The following PNPLA1 variants were observed in gnomAD, a reference collection of about 807,000 sequenced individuals.
PNPLA1 encodes the protein omega-hydroxyceramide transacylase.
In PNPLA1, 36 loss-of-function variants were observed where a neutral mutation model predicts 51.7. The observed-to-expected ratio is 0.70, with a 90% CI of 0.53 to 0.92. The LOEUF (loss-of-function observed/expected upper bound fraction) is 0.92, where lower values mean the gene tolerates loss of function less well. PNPLA1 is among the 40% of genes least tolerant of loss of function. The pLI, the probability that PNPLA1 is intolerant of heterozygous loss-of-function variation, is 0.00. For missense variants in PNPLA1, 658 were observed against 682.5 expected (o/e 0.96, Z 0.40); for synonymous variants, 293 against 280.1 (o/e 1.05, Z -0.46).
upstream of PNPLA1, among the ~76,000 whole-genome samples, chr6:36,266,738 G>C (rs1441430560): frequency 6.6e-6 from 1 of 152,208 alleles, no homozygotes; most frequent in Admixed American, 6.5e-5. Context: ...TTGTCTGATT[G>C]TTTGCACCTG....
In PNPLA1 at chr6:36,294,101, G is replaced by A. The variant is rs1409725102; in HGVS notation, c.505-89G>A. The A allele has an allele frequency of 2.8e-6, 4 of 1,449,204 alleles. No homozygotes were observed. The African/African-American group carries it at 4.2e-5, about 15-fold the overall frequency. 89.8% of individuals were successfully genotyped at this position (1,449,204 alleles called of 1,614,324 possible). A position where few individuals can be genotyped will look rare whatever the true frequency, so the allele number is the denominator to read the frequency against. On this transcript the variant is annotated intron_variant, in intron 3 of 8. Coordinates refer to ENST00000636260, the MANE Select transcript of PNPLA1 (RefSeq NM_001374623.1). This position sits in a 1 kb window ranked among gnomAD's most constrained non-coding sequence, Gnocchi z 4.2. ...CTTCCTTGATGGGCCCTTGAAGCTG[G>A]TGCCATATCCCATGGGCCATTTCGA...
chr6:36,299,332 TCTG>T (rs1220842712), intron 5 of PNPLA1, among the ~76,000 whole-genome samples: 1 of 72,998 alleles, frequency 1.4e-5, no homozygotes, highest in African/African-American at 5.3e-5. Flanking sequence ...TGTTTTTTTG[TCTG>T]TTTTTTTTTT....
chr6:36,282,708 C>A (rs932511990), intron 1 of PNPLA1, among the ~76,000 whole-genome samples: 1 of 152,120 alleles, frequency 6.6e-6, no homozygotes, highest in Non-Finnish European at 1.5e-5. Context: ...TTTTTTGAGA[C>A]AGAGTCTTGC....
At chr6:36,247,733 G>A (rs1769328275) in intron 1 of PNPLA1, among the ~76,000 whole-genome samples, 1 of 152,188 alleles carries the variant, frequency 6.6e-6, no homozygotes, top group African/African-American at 2.4e-5. Flanking sequence ...CCCAGAGAAT[G>A]CCACCATTCT....
At chr6:36,275,191 G>C (rs757615716) in intron 1 of PNPLA1, among the ~76,000 whole-genome samples, 3 of 152,036 alleles carry the variant, frequency 2.0e-5, no homozygotes, top group African/African-American at 4.8e-5. Flanking sequence ...TGATCCTCCT[G>C]CATCAGCCTC....
intron 1 of PNPLA1, among the ~76,000 whole-genome samples, chr6:36,290,114 C>T (rs1770629205): frequency 6.6e-6 from 1 of 152,210 alleles, no homozygotes; most frequent in African/African-American, 2.4e-5. Context: ...TAGCCTCTGC[C>T]TGGTTACCTC....
chr6:36,279,982 C>T (rs1770226922), intron 1 of PNPLA1, among the ~76,000 whole-genome samples: 1 of 151,834 alleles, frequency 6.6e-6, no homozygotes, highest in South Asian at 2.1e-4. Context: ...CCGAGGCAGG[C>T]AGATCACGAG....
intron 1 of PNPLA1, among the ~76,000 whole-genome samples, chr6:36,276,628 T>A (rs1356137128): frequency 6.6e-6 from 1 of 152,230 alleles, no homozygotes; most frequent in East Asian, 1.9e-4. Flanking sequence ...ATGTTTCTTA[T>A]GGAAGAATAG....
At position 36,306,356 on chromosome 6, in the gene PNPLA1, C is replaced by T; in HGVS notation, c.1449C>T (p.Thr483=). ...TGCCTCTGGTTCATGTGAAGGAAAC[C>T]GTCAGCAAGCCTTATGTAACGTAAG... ...SAVPLVHVKE[T]VSKPYVTESP... Residue 483 remains threonine, a synonymous_variant, in exon 7 of 9, where the codon ACC becomes ACT. Coordinates refer to ENST00000636260, the MANE Select transcript of PNPLA1 (RefSeq NM_001374623.1). 2 of 1,612,892 alleles carry T rather than the reference C, an allele frequency of 1.2e-6. No homozygotes were observed. Among genetic ancestry groups the T allele is most frequent in the African/African-American group, 1.3e-5 (1 of 74,930 alleles).
chr6:36,264,809 C>T (rs1769726581), intron 1 of PNPLA1, among the ~76,000 whole-genome samples: 2 of 152,226 alleles, frequency 1.3e-5, no homozygotes, highest in South Asian at 4.1e-4. Flanking sequence ...CATGAATAAT[C>T]TCAAGGTCCT....
In PNPLA1 at chr6:36,296,821, A is replaced by G. The variant is rs772912985; in HGVS notation, c.775+1397A>G. Among the ~76,000 whole-genome samples, 222 of 151,928 alleles carry G rather than the reference A, an allele frequency of 1.5e-3. 5 individuals are homozygous for G. The highest frequency in any genetic ancestry group is 3.1e-3 in the Admixed American group (47 of 15,246). The stretch of plus-strand genomic sequence containing the variant: ...CTCCGGATAATTGCTTCCCCTCTCT[A>G]AGGCTTGGTTTCCTAATCTGTAAAA... On this transcript the variant is annotated intron_variant, in intron 5 of 8. Transcript: ENST00000636260.
chr6:36,298,804 TCTC>T (rs1209116264), intron 5 of PNPLA1, among the ~76,000 whole-genome samples: 1 of 152,228 alleles, frequency 6.6e-6, no homozygotes, highest in Non-Finnish European at 1.5e-5. Context: ...GGTGGTGTGA[TCTC>T]AGCTCACTGC....
chr6:36,294,454 G>C lies in PNPLA1; in HGVS notation c.714+55G>C. 1.3e-6 allele frequency: 2 copies of C among 1,535,356 alleles called. No homozygotes were observed. Among genetic ancestry groups the C allele is most frequent in the Non-Finnish European group, 1.8e-6 (2 of 1,117,228 alleles). Reference sequence around the variant, plus strand: ...CAGAAGGTACCAGGGACTAGGGGTGGGGTTAGAGAGCCACTGGGGCCCACT... The same window carrying C: ...CAGAAGGTACCAGGGACTAGGGGTGCGGTTAGAGAGCCACTGGGGCCCACT... On this transcript the variant is annotated intron_variant, in intron 4 of 8. Coordinates refer to ENST00000636260, the MANE Select transcript of PNPLA1 (RefSeq NM_001374623.1). This position sits in a 1 kb window ranked among gnomAD's most constrained non-coding sequence, Gnocchi z 4.2.
Position 36,270,688 on chromosome 6 carries a change from C to T in PNPLA1, c.205+24C>T, listed in dbSNP as rs1769888940. ...GGGTGAGGCCTGTGTTCTGGGTCCC[C>T]TGGGAAGTCTCTTGGGGGATTCCAC... is the stretch of plus-strand genomic sequence containing the variant. On this transcript the variant is annotated intron_variant, in intron 1 of 8. Transcript: ENST00000636260. 4 of 1,548,368 alleles carry T rather than the reference C, an allele frequency of 2.6e-6. No individual in the cohort carries two copies. The African/African-American group carries it at 4.1e-5, about 16-fold the overall frequency.
upstream of PNPLA1, among the ~76,000 whole-genome samples, chr6:36,267,480 G>C (rs185368337): frequency 2.6e-5 from 4 of 152,116 alleles, no homozygotes; most frequent in Admixed American, 1.3e-4. Context: ...CTGTCTCCAC[G>C]TCCACAGGGA....
chr6:36,259,538 C>T (rs1042216494), intron 1 of PNPLA1, among the ~76,000 whole-genome samples: 4 of 151,994 alleles, frequency 2.6e-5, no homozygotes, highest in Non-Finnish European at 5.9e-5. Flanking sequence ...ACTGTATCTC[C>T]TTGATTATAA....
intron 2 of PNPLA1, 90 bp from the exon 3 acceptor site, chr6:36,292,971 C>A: frequency 1.8e-6 from 2 of 1,135,310 alleles, no homozygotes; most frequent in Non-Finnish European, 2.5e-6. Context: ...GAGGTCTGGG[C>A]TGGTGGTGGG....
intron 1 of PNPLA1, among the ~76,000 whole-genome samples, chr6:36,250,238 A>G (rs1246853561): frequency 2.6e-5 from 4 of 152,180 alleles, no homozygotes; most frequent in Non-Finnish European, 5.9e-5. Context: ...CTAAAGCAAC[A>G]GTCCCAAGAG....
At chr6:36,260,982 C>A (rs1006139637) in intron 1 of PNPLA1, among the ~76,000 whole-genome samples, 2 of 152,234 alleles carry the variant, frequency 1.3e-5, no homozygotes, top group East Asian at 3.9e-4. Context: ...CACCACCACA[C>A]CCGGCTAATA....
Sources: gnomAD v4.1 joint callset for allele counts (sites outside exome capture counted in the v4.1 genomes callset) on GRCh38, gnomAD v4.1.1 for gene constraint, Gnocchi (gnomAD v3.1) non-coding constraint, MANE v1.5 for transcripts, NCBI Gene and HGNC (gene_info 2026-07-23, HGNC 2026-07-21) for gene names.